The following DET1 variants were observed in gnomAD, a reference collection of about 807,000 sequenced individuals.
DET1 encodes DET1 homolog.
A neutral mutation model predicts 43.7 loss-of-function variants in DET1; 22 were observed. The ratio of observed to expected loss-of-function variants is 0.50; its 90% CI spans 0.36 to 0.72. DET1 has a LOEUF of 0.72. Among genes scored for constraint, DET1 ranks in the 30% least tolerant of loss-of-function variants. DET1 has a pLI of 0.00. For synonymous variants in DET1, 315 were observed against 266.2 expected, an observed-to-expected ratio of 1.18 and a Z score of -1.79; for missense variants, 713 against 713.3, an observed-to-expected ratio of 1.00 and a Z score of 0.00.
Position 88,504,252 on chromosome 15 carries a change from G to A in DET1, c.*2066-265C>T, listed in dbSNP as rs1232788315. 6.6e-6 allele frequency: 1 copy of A among 152,182 alleles called. No homozygotes were observed. Among genetic ancestry groups the A allele is most frequent in the African/African-American group, 2.4e-5 (1 of 41,434 alleles). 9.4% of individuals were successfully genotyped at this position (152,182 alleles called of 1,614,324 possible). A position where few individuals can be genotyped will look rare whatever the true frequency, so the allele number is the denominator to read the frequency against. On this transcript the variant is annotated intron_variant and NMD_transcript_variant, in intron 7 of 8. Coordinates refer to the DET1 transcript ENST00000557842. The surrounding 1 kb of genome is among the most constrained non-coding windows in gnomAD (Gnocchi z 4.7). ...ATATGGCGGCTGAATGATTCCAGGGGTGCGGGCGGGGTGCAAAAGCCTAGC... is the reference window on the plus strand; with the variant it reads ...ATATGGCGGCTGAATGATTCCAGGGATGCGGGCGGGGTGCAAAAGCCTAGC...
Position 88,530,982 on chromosome 15 carries a change from A to T in DET1, c.724T>A (p.Phe242Ile). ...AAAGTGCCTTCAGGAGTCACCTGGAAGACATGGATGGTCTGTTGTTGCACA... is the reference window on the plus strand; with the variant it reads ...AAAGTGCCTTCAGGAGTCACCTGGATGACATGGATGGTCTGTTGTTGCACA... ...LSVQQQTIHV[F>I]QVTPEGTFID... The change falls in exon 2 of 5, where the codon TTC (phenylalanine) becomes ATC (isoleucine). Residue 242 changes from phenylalanine (F) to isoleucine (I), a missense_variant. Transcript: ENST00000268148. 1 of 1,613,986 alleles carries T rather than the reference A, an allele frequency of 6.2e-7. No homozygotes were observed. Among genetic ancestry groups the T allele is most frequent in the Admixed American group, 1.7e-5 (1 of 60,024 alleles).
intron 1 of DET1, among the ~76,000 whole-genome samples, chr15:88,536,551 A>G (rs560565122): frequency 1.2e-3 from 185 of 152,202 alleles, no homozygotes; most frequent in African/African-American, 4.3e-3. Flanking sequence ...AGGCTGAGGC[A>G]GGGAGGTCAC....
chr15:88,540,052 C>T (rs1422116466), intron 1 of DET1, among the ~76,000 whole-genome samples: 4 of 152,030 alleles, frequency 2.6e-5, no homozygotes, highest in Non-Finnish European at 5.9e-5. Context: ...GTCCCTTTCC[C>T]CCTCGTCCCT....
At chr15:88,536,092 G>A (rs1366801439) in intron 1 of DET1, among the ~76,000 whole-genome samples, 5 of 152,176 alleles carry the variant, frequency 3.3e-5, no homozygotes, top group East Asian at 3.8e-4. Context: ...CAATTCAAAT[G>A]TCTGTAGATT....
chr15:88,520,852 T>C (rs2056470205), intron 3 of DET1, among the ~76,000 whole-genome samples: 1 of 152,238 alleles, frequency 6.6e-6, no homozygotes, highest in Non-Finnish European at 1.5e-5. Context: ...ACTTAAATCC[T>C]AGTGGCAGGA....
intron 1 of DET1, among the ~76,000 whole-genome samples, chr15:88,541,361 C>T (rs893907073): frequency 6.6e-6 from 1 of 151,660 alleles, no homozygotes; most frequent in African/African-American, 2.4e-5. Flanking sequence ...ACTAAGGGAA[C>T]TCAGAGGCTG....
At chr15:88,506,534 T>C (rs1012935958) in intron 7 of DET1, among the ~76,000 whole-genome samples, 1 of 150,372 alleles carries the variant, frequency 6.7e-6, no homozygotes, top group Non-Finnish European at 1.5e-5. Flanking sequence ...TCACTTAATA[T>C]GCTCAATTGC....
chr15:88,511,620 G>A, downstream of DET1: 1 of 982,470 alleles, frequency 1.0e-6, no homozygotes, highest in Non-Finnish European at 1.2e-6. Context: ...TTATTGTACT[G>A]TATTATAATA....
At chr15:88,515,475 G>T (rs2056315819) in intron 4 of DET1, among the ~76,000 whole-genome samples, 1 of 140,186 alleles carries the variant, frequency 7.1e-6, no homozygotes, top group Middle Eastern at 3.6e-3. Context: ...GGAGGCAGAG[G>T]TTGCAGTGAG....
Position 88,540,950 on chromosome 15 carries a change from G to A in DET1, c.-11+5590C>T, listed in dbSNP as rs531742133. On this transcript the variant is annotated intron_variant, in intron 1 of 4. Coordinates refer to ENST00000268148, the MANE Select transcript of DET1 (RefSeq NM_001144074.3). ...CTCGTGGGAAGGGAAAGACCTGACC[G>A]TCCCCCAGCCCGACACCCATAAAGG... is the stretch of plus-strand genomic sequence containing the variant. Among the ~76,000 whole-genome samples, 18 of 69,426 alleles carry A rather than the reference G, an allele frequency of 2.6e-4. 3 individuals carry two copies. Among genetic ancestry groups the A allele is most frequent in the African/African-American group, 9.6e-4 (9 of 9,382 alleles). 45.5% of individuals were successfully genotyped at this position (69,426 alleles called of 152,430 possible).
intron 1 of DET1, among the ~76,000 whole-genome samples, chr15:88,538,972 G>T (rs1042644456): frequency 6.6e-6 from 1 of 152,108 alleles, no homozygotes; most frequent in African/African-American, 2.4e-5. Flanking sequence ...TTGAGCCTTG[G>T]TTTTCTGGTA....
intron 1 of DET1, among the ~76,000 whole-genome samples, chr15:88,536,953 G>T (rs778233376): frequency 2.0e-5 from 3 of 152,044 alleles, no homozygotes; most frequent in Non-Finnish European, 4.4e-5. Context: ...GCAGGGGAGC[G>T]ATTGGATCCA....
rs1213379444 is a variant in DET1 at position 88,530,942 on chromosome 15, G to A, written c.764C>T (p.Thr255Ile). ...ATCCTCATAGCAAAAGCGGCCAATGGTCCGCACATCAATGAAAGTGCCTTC... is the reference window on the plus strand; with the variant it reads ...ATCCTCATAGCAAAAGCGGCCAATGATCCGCACATCAATGAAAGTGCCTTC... ...TPEGTFIDVR[T>I]IGRFCYEDDL... Residue 255 changes from threonine to isoleucine, a missense_variant, in exon 2 of 5, where the codon ACC (threonine) becomes ATC (isoleucine). Physicochemically the swap from Thr to Ile is moderately conservative, Grantham distance 89. Transcript: ENST00000268148. 1 of 1,613,998 alleles carries A rather than the reference G, an allele frequency of 6.2e-7. No homozygotes were observed. Among genetic ancestry groups the A allele is most frequent in the African/African-American group, 1.3e-5 (1 of 75,042 alleles).
At chr15:88,506,979 G>A (rs1445551634) in intron 7 of DET1, among the ~76,000 whole-genome samples, 2 of 152,142 alleles carry the variant, frequency 1.3e-5, no homozygotes, top group Non-Finnish European at 2.9e-5. Context: ...AGACATTTGT[G>A]GAGAGAAGAC....
chr15:88,527,110 C>A (rs1391469073), intron 3 of DET1, among the ~76,000 whole-genome samples: 1 of 152,176 alleles, frequency 6.6e-6, no homozygotes, highest in African/African-American at 2.4e-5. Context: ...TATGTCCTAT[C>A]TCCCATCATC....
chr15:88,510,386 T>C (rs1388896759), downstream of DET1, among the ~76,000 whole-genome samples: 2 of 152,204 alleles, frequency 1.3e-5, no homozygotes, highest in East Asian at 3.9e-4. Flanking sequence ...TCACACTCCA[T>C]GCTCTTTCCA....
chr15:88,523,664 C>G (rs576880917), intron 3 of DET1, among the ~76,000 whole-genome samples: 22 of 152,238 alleles, frequency 1.4e-4, no homozygotes, highest in Non-Finnish European at 2.4e-4. Flanking sequence ...TGGTCTCCAG[C>G]TCCTGACCGC....
downstream of DET1, among the ~76,000 whole-genome samples, chr15:88,508,699 G>C (rs913331555): frequency 3.0e-5 from 4 of 132,168 alleles, no homozygotes; most frequent in East Asian, 2.0e-4. Flanking sequence ...TCAGAGGAGG[G>C]GTGGAGACAG....
Position 88,543,890 on chromosome 15 carries a change from G to C in DET1, c.-11+2650C>G, listed in dbSNP as rs534893734. 2.6e-5 allele frequency among the ~76,000 whole-genome samples: 4 copies of C among 152,286 alleles called. No individual in the cohort carries two copies. In the East Asian group the frequency reaches 7.7e-4, roughly 29 times the overall value. On this transcript the variant is annotated intron_variant, in intron 1 of 4. Coordinates refer to ENST00000268148, the MANE Select transcript of DET1 (RefSeq NM_001144074.3). ...CTGCGCCCAGGTAAATGCCAAGCAA[G>C]GTTCTAAACCCAGCCTAGGCCACCG...
Sources: gnomAD v4.1 joint callset for allele counts (sites outside exome capture counted in the v4.1 genomes callset) on GRCh38, gnomAD v4.1.1 for gene constraint, Gnocchi (gnomAD v3.1) non-coding constraint, MANE v1.5 for transcripts, NCBI Gene and HGNC (gene_info 2026-07-23, HGNC 2026-07-21) for gene names.